Variants in DLGAP2 observed in about 807,000 individuals in gnomAD.
DLGAP2 encodes the protein disks large-associated protein 2.
Under a neutral mutation model 100.3 loss-of-function variants are expected in DLGAP2, and 26 were observed. The ratio of observed to expected loss-of-function variants is 0.26; its 90% CI spans 0.19 to 0.36. DLGAP2 has a LOEUF of 0.36. Ranked by LOEUF, DLGAP2 falls within the 10% of genes least tolerant of loss-of-function variation. DLGAP2 has a pLI of 1.00. For synonymous variants in DLGAP2, 886 were observed against 630.1 expected (o/e 1.41, Z -6.08); for missense variants, 1,858 against 1,453.2 (o/e 1.28, Z -4.53).
rs556653290 is a variant in DLGAP2, at chr8:1,292,763, G to A, written c.106+33880G>A. On this transcript the variant is annotated intron_variant, in intron 3 of 14. Coordinates refer to ENST00000637795, the MANE Select transcript of DLGAP2 (RefSeq NM_001346810.2). ...GCTGGTCACATTGTGTTGCTGTCTC[G>A]AGCCTCCCCTTTCCACTCATGTCAC... 2.4e-4 allele frequency among the ~76,000 whole-genome samples: 37 copies of A among 151,932 alleles called. No homozygotes were observed. The South Asian group carries it at 6.7e-3, about 28-fold the overall frequency.
intron 6 of DLGAP2, among the ~76,000 whole-genome samples, chr8:1,609,251 A>G (rs1178265971): frequency 7.0e-6 from 1 of 143,870 alleles, no homozygotes; most frequent in Non-Finnish European, 1.5e-5. Context: ...TTCTTGAAGA[A>G]AAGAATTTTC....
chr8:1,535,192 C>T (rs1339991132), intron 4 of DLGAP2, among the ~76,000 whole-genome samples: 1 of 152,234 alleles, frequency 6.6e-6, no homozygotes, highest in African/African-American at 2.4e-5. Flanking sequence ...GTGGCCGCCT[C>T]TGTGAAGACA....
intron 1 of DLGAP2, among the ~76,000 whole-genome samples, chr8:854,904 G>A (rs966206282): frequency 3.3e-5 from 5 of 152,248 alleles, no homozygotes; most frequent in African/African-American, 9.6e-5. Flanking sequence ...GTGAGGAACG[G>A]CATGCCCGGA....
chr8:1,495,998 C>G (rs906975546), intron 3 of DLGAP2, among the ~76,000 whole-genome samples: 2 of 152,120 alleles, frequency 1.3e-5, no homozygotes, highest in African/African-American at 2.4e-5. Context: ...CAGGCAGTGA[C>G]GTGGGGCCCC....
intron 2 of DLGAP2, among the ~76,000 whole-genome samples, chr8:1,167,945 T>A (rs1170072724): frequency 2.0e-5 from 3 of 151,808 alleles, no homozygotes; most frequent in Admixed American, 6.6e-5. Context: ...GCTAGTTACA[T>A]ATGTATACAT....
At chr8:1,633,756 A>G (rs894281072) in intron 8 of DLGAP2, among the ~76,000 whole-genome samples, 1 of 152,204 alleles carries the variant, frequency 6.6e-6, no homozygotes, top group Non-Finnish European at 1.5e-5. Context: ...AAGGAGCTAT[A>G]AAAAAACATA....
chr8:1,083,069 C>G (rs909858371), intron 2 of DLGAP2, among the ~76,000 whole-genome samples: 3 of 152,144 alleles, frequency 2.0e-5, no homozygotes, highest in Admixed American at 2.0e-4. Flanking sequence ...TGCTGTCAGT[C>G]AAGCCAACAA....
intron 6 of DLGAP2, among the ~76,000 whole-genome samples, chr8:1,568,892 T>C (rs58600412): frequency 0.034 from 1,304 of 38,492 alleles, 20 homozygotes; most frequent in Middle Eastern, 0.067. Flanking sequence ...CATCTCTGCC[T>C]GCGGCCCCCA....
intron 2 of DLGAP2, among the ~76,000 whole-genome samples, chr8:968,065 C>A (rs1799924726): frequency 6.6e-6 from 1 of 151,428 alleles, no homozygotes; most frequent in Non-Finnish European, 1.5e-5. Context: ...CATTGTTATT[C>A]ACCTGTCTTC....
intron 2 of DLGAP2, among the ~76,000 whole-genome samples, chr8:1,070,565 T>C (rs367587246): frequency 3.3e-5 from 5 of 152,270 alleles, no homozygotes; most frequent in African/African-American, 1.2e-4. Flanking sequence ...CACTGTCCAA[T>C]GTCTACTCAT....
intron 1 of DLGAP2, among the ~76,000 whole-genome samples, chr8:867,769 TA>T (rs1425939563): frequency 7.2e-5 from 11 of 152,236 alleles, no homozygotes; most frequent in Admixed American, 1.3e-4. Context: ...TGGTTTCTTA[TA>T]GGGGAAGTGA....
At chr8:1,221,269 G>T (rs1249110914) in intron 2 of DLGAP2, among the ~76,000 whole-genome samples, 1 of 152,162 alleles carries the variant, frequency 6.6e-6, no homozygotes, top group Non-Finnish European at 1.5e-5. Context: ...AGTCCCTTTA[G>T]GACCTCTTCG....
intron 2 of DLGAP2, among the ~76,000 whole-genome samples, chr8:1,094,117 T>C (rs1804288045): frequency 6.6e-6 from 1 of 151,618 alleles, no homozygotes; most frequent in Non-Finnish European, 1.5e-5. Context: ...GGCAGCTCCG[T>C]GGAGTGGGCA....
At chr8:1,336,670 A>G (rs1242144298) in intron 3 of DLGAP2, among the ~76,000 whole-genome samples, 1 of 152,156 alleles carries the variant, frequency 6.6e-6, no homozygotes, top group East Asian at 1.9e-4. Flanking sequence ...CCCCTCAAGG[A>G]ACGTGTCTTG....
intron 2 of DLGAP2, among the ~76,000 whole-genome samples, chr8:1,110,714 C>CTTT (rs10573688): frequency 7.8e-6 from 1 of 127,890 alleles, no homozygotes; most frequent in African/African-American, 2.9e-5. Flanking sequence ...GATTTATAGC[C>CTTT]TTTTTTTTTT....
In DLGAP2 at chr8:1,426,319, A is replaced by G. The variant is rs1177219113; in HGVS notation, c.107-75047A>G. Among the ~76,000 whole-genome samples the G allele has an allele frequency of 6.6e-5, 10 of 152,356 alleles. No homozygotes were observed. In the East Asian group the frequency reaches 1.7e-3, roughly 26 times the overall value. On this transcript the variant is annotated intron_variant, in intron 3 of 14. Transcript: ENST00000637795. ...CCTAAAATTGGGAAGGACCGACTCC[A>G]GACTAGATCTGCTCAAAGTCCATCT...
chr8:1,037,419 G>A (rs1036110370), intron 2 of DLGAP2, among the ~76,000 whole-genome samples: 3 of 152,004 alleles, frequency 2.0e-5, no homozygotes, highest in Admixed American at 6.5e-5. Flanking sequence ...ACTGTGAAGG[G>A]GCCTCTCTCC....
rs114309411 is a variant in DLGAP2 at position 1,051,592 on chromosome 8, C to G, written c.73+143626C>G. On this transcript the variant is annotated intron_variant, in intron 2 of 14. Transcript: ENST00000637795. ...TGCACAAATAGAAATAGACTTGCTA[C>G]TATGTAATTTTATCTAATAGAGCAT... Among the ~76,000 whole-genome samples, 919 of 152,304 alleles carry G rather than the reference C, an allele frequency of 6.0e-3. 13 individuals are homozygous for G. The highest frequency in any genetic ancestry group is 0.02 in the African/African-American group (824 of 41,550).
At chr8:1,584,465 TCA>T (rs1172983769) in intron 6 of DLGAP2, among the ~76,000 whole-genome samples, 2 of 152,172 alleles carry the variant, frequency 1.3e-5, no homozygotes, top group African/African-American at 4.8e-5. Context: ...GCATCCTCTC[TCA>T]CAGTCTCCTC....
Sources: gnomAD v4.1 joint callset for allele counts (sites outside exome capture counted in the v4.1 genomes callset) on GRCh38, gnomAD v4.1.1 for gene constraint, MANE v1.5 for transcripts, NCBI Gene and HGNC (gene_info 2026-07-23, HGNC 2026-07-21) for gene names.